The following PCDHGA5 variants were observed in gnomAD, a reference collection of about 807,000 sequenced individuals.
PCDHGA5 encodes protocadherin gamma subfamily A, 5.
PCDHGA5 carries 36 observed loss-of-function variants against 56.7 expected under a neutral mutation model. The observed-to-expected ratio is 0.64, with a 90% CI of 0.49 to 0.84. The LOEUF is 0.84. Ranked by LOEUF, PCDHGA5 falls within the 40% of genes least tolerant of loss-of-function variation. The probability of loss-of-function intolerance (pLI) is 0.00; values close to 1 mark genes in which losing one functional copy is unlikely to be tolerated. For missense variants in PCDHGA5, 1,305 were observed against 1,201.5 expected (o/e 1.09, Z -1.27); for synonymous variants, 563 against 520.2 (o/e 1.08, Z -1.12).
At chr5:141,383,607 T>C in intron 1 of PCDHGA5, 1 of 1,613,780 alleles carries the variant, frequency 6.2e-7, no homozygotes, top group South Asian at 1.1e-5. Flanking sequence ...TGGATGTGAA[T>C]GACCACACGC....
At chr5:141,384,649 C>A (rs778822731) in intron 1 of PCDHGA5, 2 of 1,614,232 alleles carry the variant, frequency 1.2e-6, no homozygotes, top group South Asian at 1.1e-5. Flanking sequence ...CTCCGCAGAG[C>A]CCGGCTACCT....
Position 141,476,696 on chromosome 5 carries a change from G to T in PCDHGA5, c.2422-18111G>T, listed in dbSNP as rs750429892. ...GACGCGGGAGGACAGCACCAAGTAC[G>T]CGGAGCTGGTGTTGGAGCGCGCCCT... On this transcript the variant is annotated intron_variant, in intron 1 of 3. Transcript: ENST00000518069. This position sits in a 1 kb window ranked among gnomAD's most constrained non-coding sequence, Gnocchi z 7.6. 3 of 1,614,102 alleles carry T rather than the reference G, an allele frequency of 1.9e-6. No individual in the cohort carries two copies. The highest frequency in any genetic ancestry group is 2.5e-6 in the Non-Finnish European group (3 of 1,180,050).
At chr5:141,403,010 C>G in intron 1 of PCDHGA5, 1 of 1,614,058 alleles carries the variant, frequency 6.2e-7, no homozygotes, top group Non-Finnish European at 8.5e-7. Flanking sequence ...ATGCTCGCTC[C>G]TGGGGATGCT....
intron 1 of PCDHGA5, chr5:141,433,024 C>A: frequency 6.2e-7 from 1 of 1,614,168 alleles, no homozygotes; most frequent in African/African-American, 1.3e-5. Flanking sequence ...CCTATTCCCA[C>A]GAGGTTTCCC....
intron 1 of PCDHGA5, among the ~76,000 whole-genome samples, chr5:141,447,688 G>A (rs188511217): frequency 1.4e-4 from 22 of 152,258 alleles, no homozygotes; most frequent in African/African-American, 4.3e-4. Context: ...TATCTTGATA[G>A]AGGGATGGGT....
rs201458472 is a variant in PCDHGA5 at position 141,403,860 on chromosome 5, C to T, written c.2421+37109C>T. 1.5e-5 allele frequency: 25 copies of T among 1,613,382 alleles called. No individual in the cohort carries two copies. In the Admixed American group the frequency reaches 2.7e-4, roughly 17 times the overall value. Reference sequence around the variant, plus strand: ...AATGAAAATACTGGGGAAATATCAACAGCAAAAAGTCTAGATTATGAAGAA... The same window carrying T: ...AATGAAAATACTGGGGAAATATCAATAGCAAAAAGTCTAGATTATGAAGAA... On this transcript the variant is annotated intron_variant, in intron 1 of 3. Coordinates refer to ENST00000518069, the MANE Select transcript of PCDHGA5 (RefSeq NM_018918.3).
chr5:141,376,090 C>T (rs372887480), intron 1 of PCDHGA5: 11 of 1,613,674 alleles, frequency 6.8e-6, no homozygotes, highest in Admixed American at 1.7e-5. Context: ...ACAGGATCCC[C>T]GACATCCTGG....
intron 3 of PCDHGA5, among the ~76,000 whole-genome samples, chr5:141,509,139 A>G (rs1042555376): frequency 2.6e-5 from 4 of 152,140 alleles, no homozygotes; most frequent in African/African-American, 9.7e-5. Flanking sequence ...ACCGAGGCGC[A>G]TCCCGGCTCT....
intron 1 of PCDHGA5, chr5:141,404,730 C>G: frequency 6.2e-7 from 1 of 1,613,984 alleles, no homozygotes; most frequent in East Asian, 2.2e-5. Context: ...AAGGTGGTGG[C>G]AGTGGACAGA....
intron 1 of PCDHGA5, chr5:141,375,406 T>A: frequency 6.2e-7 from 1 of 1,613,968 alleles, no homozygotes; most frequent in Admixed American, 1.7e-5. Flanking sequence ...TCTCTCTAAA[T>A]GTGGCAGACA....
chr5:141,388,774 G>T, intron 1 of PCDHGA5: 1 of 1,613,878 alleles, frequency 6.2e-7, no homozygotes, highest in Non-Finnish European at 8.5e-7. Context: ...TCTAACACCG[G>T]GGAAATTACT....
intron 1 of PCDHGA5, among the ~76,000 whole-genome samples, chr5:141,455,844 T>TA (rs2098833146): frequency 6.6e-6 from 1 of 150,818 alleles, no homozygotes; most frequent in Non-Finnish European, 1.5e-5. Flanking sequence ...TCTATCTGCA[T>TA]AAAATAATTT....
chr5:141,436,902 G>A (rs2097852984), intron 1 of PCDHGA5, among the ~76,000 whole-genome samples: 1 of 152,210 alleles, frequency 6.6e-6, no homozygotes, highest in Admixed American at 6.5e-5. Flanking sequence ...TTTTATATGA[G>A]ACAATTTTGT....
Position 141,388,496 on chromosome 5 carries a change from G to C in PCDHGA5, c.2421+21745G>C. The stretch of plus-strand genomic sequence containing the variant: ...TGAAGACACCTTTGGACAGAGAAAA[G>C]CAGAAATCCTACCACTTGACTTTGA... On this transcript the variant is annotated intron_variant, in intron 1 of 3. Coordinates refer to ENST00000518069, the MANE Select transcript of PCDHGA5 (RefSeq NM_018918.3). 1 of 1,613,828 alleles carries C rather than the reference G, an allele frequency of 6.2e-7. No individual in the cohort carries two copies. Among genetic ancestry groups the C allele is most frequent in the Admixed American group, 1.7e-5 (1 of 60,022 alleles).
At chr5:141,380,975 T>C (rs1776901580) in intron 1 of PCDHGA5, among the ~76,000 whole-genome samples, 2 of 152,246 alleles carry the variant, frequency 1.3e-5, no homozygotes, top group Non-Finnish European at 2.9e-5. Flanking sequence ...ATTAAACAAA[T>C]AGAATTTAAC....
intron 1 of PCDHGA5, chr5:141,427,590 C>A: frequency 1.5e-6 from 1 of 679,008 alleles, no homozygotes; most frequent in Non-Finnish European, 2.7e-6. Flanking sequence ...CAGCACAAGC[C>A]TCACCCTACG....
Position 141,487,082 on chromosome 5 carries a change from G to A in PCDHGA5, c.2422-7725G>A, listed in dbSNP as rs2099639361. On this transcript the variant is annotated intron_variant, in intron 1 of 3. Transcript: ENST00000518069. The surrounding 1 kb of genome is among the most constrained non-coding windows in gnomAD (Gnocchi z 5.0). Reference sequence around the variant, plus strand: ...GCGGACGGCTGTTCCTATCCCAGCTGACCTCCCACCACAGAAGCTGGTCAT... The same window carrying A: ...GCGGACGGCTGTTCCTATCCCAGCTAACCTCCCACCACAGAAGCTGGTCAT... The A allele has an allele frequency of 8.1e-6, 13 of 1,614,056 alleles. No individual in the cohort carries two copies. The highest frequency in any genetic ancestry group is 1.1e-5 in the Non-Finnish European group (13 of 1,179,938).
At position 141,364,275 on chromosome 5, in the gene PCDHGA5, A is replaced by G; in HGVS notation, c.-56A>G. ...ATATGTACCCATCGGCTTTAGATAA[A>G]TAAGGAAACAGCAGGCTGAACCAGA... is the stretch of plus-strand genomic sequence containing the variant. On this transcript the variant is annotated 5_prime_UTR_variant, in exon 1 of 4. Transcript: ENST00000518069. 2 of 1,515,456 alleles carry G rather than the reference A, an allele frequency of 1.3e-6. No homozygotes were observed. The highest frequency in any genetic ancestry group is 2.7e-5 in the South Asian group (2 of 73,390). 93.9% of individuals were successfully genotyped at this position (1,515,456 alleles called of 1,614,324 possible). A position where few individuals can be genotyped will look rare whatever the true frequency, so the allele number is the denominator to read the frequency against.
chr5:141,444,146 T>C (rs2098418879), intron 1 of PCDHGA5, among the ~76,000 whole-genome samples: 2 of 145,824 alleles, frequency 1.4e-5, no homozygotes, highest in South Asian at 4.3e-4. Flanking sequence ...CACTTGTGTG[T>C]ACTGGATTTT....
Sources: gnomAD v4.1 joint callset for allele counts (sites outside exome capture counted in the v4.1 genomes callset) on GRCh38, gnomAD v4.1.1 for gene constraint, Gnocchi (gnomAD v3.1) non-coding constraint, MANE v1.5 for transcripts, NCBI Gene and HGNC (gene_info 2026-07-23, HGNC 2026-07-21) for gene names.